Variants in SCARF1 observed in about 807,000 individuals in gnomAD.
SCARF1 encodes acetyl LDL receptor.
Under a neutral mutation model 76.3 loss-of-function variants are expected in SCARF1, and 49 were observed. The observed-to-expected ratio is 0.64, with a 90% CI of 0.51 to 0.81. The LOEUF (loss-of-function observed/expected upper bound fraction) is 0.81. SCARF1 is among the 40% of genes least tolerant of loss of function. SCARF1 has a pLI of 0.00. For synonymous variants in SCARF1, 495 were observed against 474.6 expected (o/e 1.04, Z -0.56); for missense variants, 1,098 against 1,143.9 (o/e 0.96, Z 0.58).
rs1292133707 is a variant in SCARF1 at position 1,645,555 on chromosome 17, C to T, written c.101+42G>A. ...CCACCCGCATCAGACTCCCACGAGACCCACCTGCTGGCCACACGCATCAGA... is the reference window on the plus strand; with the variant it reads ...CCACCCGCATCAGACTCCCACGAGATCCACCTGCTGGCCACACGCATCAGA... On this transcript the variant is annotated intron_variant, in intron 1 of 10. Transcript: ENST00000263071. The surrounding 1 kb of genome is among the most constrained non-coding windows in gnomAD (Gnocchi z 6.3). 1 of 1,583,900 alleles carries T rather than the reference C, an allele frequency of 6.3e-7. No homozygotes were observed. The highest frequency in any genetic ancestry group is 1.8e-5 in the Admixed American group (1 of 57,122).
At position 1,644,504 on chromosome 17, in the gene SCARF1, A is replaced by T; in HGVS notation, c.265+330T>A. On this transcript the variant is annotated intron_variant, in intron 3 of 10. Coordinates refer to ENST00000263071, the MANE Select transcript of SCARF1 (RefSeq NM_003693.4). This position sits in a 1 kb window ranked among gnomAD's most constrained non-coding sequence, Gnocchi z 4.8. ...AGAGCCCAGCCAGGGGCCCCCTTCC[A>T]TCCACTGCCCATGTATAAGGTATAT... 5.1e-6 allele frequency: 2 copies of T among 392,848 alleles called. No individual in the cohort carries two copies. The highest frequency in any genetic ancestry group is 8.5e-5 in the South Asian group (2 of 23,490). 24.3% of individuals were successfully genotyped at this position (392,848 alleles called of 1,614,324 possible). A position where few individuals can be genotyped will look rare whatever the true frequency, so the allele number is the denominator to read the frequency against.
At chr17:1,639,590 G>A (rs1909866655) in intron 7 of SCARF1, 49 bp downstream of exon 7, 5 of 1,356,386 alleles carry the variant, frequency 3.7e-6, no homozygotes, top group Non-Finnish European at 5.2e-6. Context: ...CCATGTGAAG[G>A]GCCCGCCTTT....
At chr17:1,637,875 A>G (rs1160871867) in intron 8 of SCARF1, among the ~76,000 whole-genome samples, 2 of 152,128 alleles carry the variant, frequency 1.3e-5, no homozygotes, top group Non-Finnish European at 2.9e-5. Context: ...TGTTCCTCCA[A>G]CAGCCTTTGC....
rs780655556 is a variant in SCARF1 at position 1,644,909 on chromosome 17, G to C, written c.190C>G (p.Gln64Glu). 1.2e-6 allele frequency: 2 copies of C among 1,613,414 alleles called. No individual in the cohort carries two copies. Among genetic ancestry groups the C allele is most frequent in the South Asian group, 2.2e-5 (2 of 91,042 alleles). Residue 64 changes from glutamine (Q) to glutamate (E), a missense_variant, in exon 3 of 11, where the codon CAG becomes GAG. By Grantham distance (29) the Gln-to-Glu change is conservative. Transcript: ENST00000263071. The surrounding 1 kb of genome is among the most constrained non-coding windows in gnomAD (Gnocchi z 4.8). ...GGCTTCACACACACCTCGTCTTTCT[G>C]GCAGGCGTCCGGCCCCTCACAGATG... ...IPICEGPDAC[Q>E]KDEVCVKPGL...
Position 1,635,339 on chromosome 17 carries a change from G to A in SCARF1, c.1912C>T (p.Pro638Ser). ...EGREAEESTG[P>S]EEAEAPESFP... ...GACTCGGGGGCTTCTGCTTCCTCTG[G>A]GCCTGTGGACTCTTCGGCTTCCCGG... is the stretch of plus-strand genomic sequence containing the variant. The change falls in exon 11 of 11, where the codon CCA (proline) becomes TCA (serine). Residue 638 changes from proline (P) to serine (S), a missense_variant. Pro to Ser is a moderately conservative substitution (Grantham distance 74). Transcript: ENST00000263071. 1 of 1,613,224 alleles carries A rather than the reference G, an allele frequency of 6.2e-7. No individual in the cohort carries two copies. The highest frequency in any genetic ancestry group is 2.2e-5 in the East Asian group (1 of 44,880).
In SCARF1 at chr17:1,634,870, A is replaced by G. The variant is rs746671065; in HGVS notation, c.2381T>C (p.Val794Ala). The change falls in exon 11 of 11, where the codon GTC becomes GCC. Residue 794 changes from valine (V) to alanine (A), a missense_variant. Val to Ala is a moderately conservative substitution (Grantham distance 64, BLOSUM62 0). Coordinates refer to ENST00000263071, the MANE Select transcript of SCARF1 (RefSeq NM_003693.4). ...TESSRRAQEPVSGCGSPEQDP... is the reference protein window; with the variant it reads ...TESSRRAQEPASGCGSPEQDP... ...CTGTTCTGGGGAGCCACAGCCAGAG[A>G]CTGGCTCCTGGGCTCTCCTTGAACT... 2.5e-6 allele frequency: 4 copies of G among 1,613,256 alleles called. No individual in the cohort carries two copies. The African/African-American group carries it at 4.0e-5, about 16-fold the overall frequency.
chr17:1,641,726 T>G (rs1910068219), intron 4 of SCARF1, among the ~76,000 whole-genome samples: 1 of 152,168 alleles, frequency 6.6e-6, no homozygotes, highest in African/African-American at 2.4e-5. Context: ...TTTTATTTTA[T>G]TATTATTTTC....
chr17:1,636,777 G>A lies in SCARF1; in HGVS notation c.1565C>T (p.Ser522Phe). The A allele has an allele frequency of 1.9e-6, 3 of 1,614,102 alleles. No homozygotes were observed. Among genetic ancestry groups the A allele is most frequent in the Non-Finnish European group, 2.5e-6 (3 of 1,180,018 alleles). ...PPSAGWATDDSFSSDPESGEA... is the reference protein window; with the variant it reads ...PPSAGWATDDFFSSDPESGEA... ...TCCAGACTCAGGATCGGATGAGAAG[G>A]AGTCATCAGTGGCCCAGCCGGCAGA... The change falls in exon 10 of 11, where the codon TCC (serine) becomes TTC (phenylalanine). Residue 522 changes from serine (S) to phenylalanine (F), a missense_variant. Physicochemically the swap from Ser to Phe is radical, Grantham distance 155 (BLOSUM62 -2). Transcript: ENST00000263071.
At position 1,643,843 on chromosome 17, in the gene SCARF1, C is replaced by T; in HGVS notation, c.390G>A (p.Glu130=). 3 of 1,272,208 alleles carry T rather than the reference C, an allele frequency of 2.4e-6. No individual in the cohort carries two copies. Among genetic ancestry groups the T allele is most frequent in the Non-Finnish European group, 2.0e-6 (2 of 1,012,286 alleles). The allele number at this position is 1,272,208 out of a possible 1,614,324, so 78.8% of individuals were successfully genotyped here. A position where few individuals can be genotyped will look rare whatever the true frequency, so the allele number is the denominator to read the frequency against. The change falls in exon 4 of 11, where the codon GAG becomes GAA. Residue 130 remains glutamate, a synonymous_variant. Coordinates refer to ENST00000263071, the MANE Select transcript of SCARF1 (RefSeq NM_003693.4). ...CGTGGGGGCCGCAGGCGCACGGGAA[C>T]TCGCAGCGGGCTCCCCAGCGGTCGG... ...CQADRWGARC[E]FPCACGPHGR...
Position 1,643,596 on chromosome 17 carries a change from C to T in SCARF1, c.637G>A (p.Gly213Ser). The T allele has an allele frequency of 6.8e-7, 1 of 1,474,436 alleles. No individual in the cohort carries two copies. The highest frequency in any genetic ancestry group is 1.3e-5 in the South Asian group (1 of 78,426). The allele number at this position is 1,474,436 out of a possible 1,614,324, so 91.3% of individuals were successfully genotyped here. ...TGCTGGCATTCGGGACCCCACCAGC[C>T]CGGCCGGCAGGCGCAGCGGCCGGAG... ...QDSGRCACRP[G>S]WWGPECQQQC... Residue 213 changes from glycine (G) to serine (S), a missense_variant, in exon 4 of 11, where the codon GGC (glycine) becomes AGC (serine). Transcript: ENST00000263071.
chr17:1,643,373 C>G, intron 4 of SCARF1, 69 bp downstream of exon 4: 1 of 692,076 alleles, frequency 1.4e-6, no homozygotes, highest in Non-Finnish European at 1.9e-6. Context: ...TGTCTCCGCC[C>G]CGCCCCGCCT....
At position 1,639,893 on chromosome 17, in the gene SCARF1, C is replaced by G. The variant is rs1909889502; in HGVS notation, c.1139+19G>C. ...CTAGGCCCCTGGCACTCTCCCGCCCCCGGGATCCCCATCCTTACCTGGGCC... is the reference window on the plus strand; with the variant it reads ...CTAGGCCCCTGGCACTCTCCCGCCCGCGGGATCCCCATCCTTACCTGGGCC... On this transcript the variant is annotated intron_variant, in intron 6 of 10. Transcript: ENST00000263071. The G allele has an allele frequency of 2.5e-6, 4 of 1,612,558 alleles. No individual in the cohort carries two copies. Among genetic ancestry groups the G allele is most frequent in the Non-Finnish European group, 3.4e-6 (4 of 1,179,168 alleles).
At position 1,634,853 on chromosome 17, in the gene SCARF1, G is replaced by A. The variant is rs139315899; in HGVS notation, c.2398C>T (p.Pro800Ser). ...GCCTGCTTCTGGGGATCCTGTTCTGGGGAGCCACAGCCAGAGACTGGCTCC... is the reference window on the plus strand; with the variant it reads ...GCCTGCTTCTGGGGATCCTGTTCTGAGGAGCCACAGCCAGAGACTGGCTCC... ...AQEPVSGCGSPEQDPQKQAEE... is the reference protein window; with the variant it reads ...AQEPVSGCGSSEQDPQKQAEE... The change falls in exon 11 of 11, where the codon CCA (proline) becomes TCA (serine). Residue 800 changes from proline (P) to serine (S), a missense_variant. By Grantham distance (74) the Pro-to-Ser change is moderately conservative (BLOSUM62 -1). Transcript: ENST00000263071. 1 of 1,613,798 alleles carries A rather than the reference G, an allele frequency of 6.2e-7. No individual in the cohort carries two copies. The highest frequency in any genetic ancestry group is 1.3e-5 in the African/African-American group (1 of 74,872).
rs1272228117 is a variant in SCARF1 at position 1,640,798 on chromosome 17, T to C, written c.792-132A>G. On this transcript the variant is annotated intron_variant, in intron 4 of 10. Transcript: ENST00000263071. This position sits in a 1 kb window ranked among gnomAD's most constrained non-coding sequence, Gnocchi z 4.7. ...TCGGGTCCCACCTGGGTCAGGCAGG[T>C]TTGAGCCTCAGTTTCCCCACGTTGT... The C allele has an allele frequency of 1.3e-6, 1 of 771,262 alleles. No individual in the cohort carries two copies. The highest frequency in any genetic ancestry group is 2.2e-6 in the Non-Finnish European group (1 of 464,212). 47.8% of individuals were successfully genotyped at this position (771,262 alleles called of 1,614,324 possible).
Position 1,643,970 on chromosome 17 carries a change from G to T in SCARF1, c.266-3C>A. 1 of 1,324,826 alleles carries T rather than the reference G, an allele frequency of 7.5e-7. No homozygotes were observed. The highest frequency in any genetic ancestry group is 1.5e-5 in the African/African-American group (1 of 65,264). The allele number at this position is 1,324,826 out of a possible 1,614,324, so 82.1% of individuals were successfully genotyped here. A position where few individuals can be genotyped will look rare whatever the true frequency, so the allele number is the denominator to read the frequency against. ...GCCCCAGTACTGGCCCGGGCAGCCTGCGGGGGTGGGGACGGGAGGGGTCAG... is the reference window on the plus strand; with the variant it reads ...GCCCCAGTACTGGCCCGGGCAGCCTTCGGGGGTGGGGACGGGAGGGGTCAG... On this transcript the variant is annotated splice_region_variant and splice_polypyrimidine_tract_variant and intron_variant, in intron 3 of 10. Transcript: ENST00000263071.
At chr17:1,638,579 C>A in intron 8 of SCARF1, 1 of 392,886 alleles carries the variant, frequency 2.5e-6, no homozygotes, top group Non-Finnish European at 4.4e-6. Flanking sequence ...ACGGGCACTG[C>A]CAACTACCTC....
chr17:1,637,177 T>A, intron 8 of SCARF1, 115 bp from the exon 9 acceptor site: 1 of 1,096,434 alleles, frequency 9.1e-7, no homozygotes, highest in Non-Finnish European at 1.3e-6. Flanking sequence ...AGTGGCTCTC[T>A]ATTGACTACA....
rs1347057057 is a variant in SCARF1 at position 1,644,793 on chromosome 17, C to T, written c.265+41G>A. Reference sequence around the variant, plus strand: ...TGCTCCCACACCACTGCCCCCGTACCCAGCTCTGCCCAGCAACTTCATCTG... The same window carrying T: ...TGCTCCCACACCACTGCCCCCGTACTCAGCTCTGCCCAGCAACTTCATCTG... On this transcript the variant is annotated intron_variant, in intron 3 of 10. Coordinates refer to ENST00000263071, the MANE Select transcript of SCARF1 (RefSeq NM_003693.4). This position sits in a 1 kb window ranked among gnomAD's most constrained non-coding sequence, Gnocchi z 4.8. 103 of 1,580,052 alleles carry T rather than the reference C, an allele frequency of 6.5e-5. 2 individuals are homozygous for T. In the Admixed American group the frequency reaches 1.8e-3, roughly 28 times the overall value.
chr17:1,634,912 A>C lies in SCARF1; in HGVS notation c.2339T>G (p.Leu780Arg), dbSNP rs1909398591. The C allele has an allele frequency of 1.9e-6, 3 of 1,613,176 alleles. No individual in the cohort carries two copies. The highest frequency in any genetic ancestry group is 2.5e-6 in the Non-Finnish European group (3 of 1,179,796). The change falls in exon 11 of 11, where the codon CTG (leucine) becomes CGG (arginine). Residue 780 changes from leucine (L) to arginine (R), a missense_variant. Transcript: ENST00000263071. ...AVRPEEAVRGLGAGTESSRRA... is the reference protein window; with the variant it reads ...AVRPEEAVRGRGAGTESSRRA... ...CCTTGAACTCTCGGTGCCAGCCCCC[A>C]GCCCCCGGACCGCTTCCTCTGGTCT...
Sources: gnomAD v4.1 joint callset for allele counts (sites outside exome capture counted in the v4.1 genomes callset) on GRCh38, gnomAD v4.1.1 for gene constraint, Gnocchi (gnomAD v3.1) non-coding constraint, MANE v1.5 for transcripts, NCBI Gene and HGNC (gene_info 2026-07-23, HGNC 2026-07-21) for gene names.